The following SNTG1 variants were observed in gnomAD, a reference collection of about 807,000 sequenced individuals.
SNTG1 encodes the protein gamma-1-syntrophin.
In SNTG1, 39 loss-of-function variants were observed where a neutral mutation model predicts 74.7. The observed-to-expected ratio is 0.52, with a 90% confidence interval of 0.40 to 0.68. SNTG1 has a LOEUF of 0.68. Among genes scored for constraint, SNTG1 ranks in the 30% least tolerant of loss-of-function variants. SNTG1 has a pLI of 0.00. For missense variants in SNTG1, 685 were observed against 609.5 expected (o/e 1.12, Z -1.30); for synonymous variants, 254 against 217.1 (o/e 1.17, Z -1.49).
intron 18 of SNTG1, among the ~76,000 whole-genome samples, chr8:50,764,299 TC>T (rs1307517322): frequency 6.6e-6 from 1 of 151,824 alleles, no homozygotes; most frequent in Non-Finnish European, 1.5e-5. Flanking sequence ...TAAAGCTTCC[TC>T]ACAGCAAAGA....
intron 11 of SNTG1, among the ~76,000 whole-genome samples, chr8:50,551,949 G>A (rs2094429809): frequency 6.6e-6 from 1 of 152,146 alleles, no homozygotes; most frequent in Admixed American, 6.5e-5. Context: ...CCTACCAGTA[G>A]ACCTGAGCCA....
At chr8:50,557,211 G>A (rs1219799097) in intron 12 of SNTG1, among the ~76,000 whole-genome samples, 2 of 148,318 alleles carry the variant, frequency 1.3e-5, no homozygotes, top group African/African-American at 2.5e-5. Context: ...TGGAGAGTAG[G>A]GGAGAAAACC....
rs75190384 is a variant in SNTG1, at chr8:50,383,451, C to T, written c.-27-10761C>T. Among the ~76,000 whole-genome samples, 512 of 152,262 alleles carry T rather than the reference C, an allele frequency of 3.4e-3. 2 individuals carry two copies. The highest frequency in any genetic ancestry group is 0.012 in the African/African-American group (493 of 41,552). ...CATATATTATACATATGTGTATACACACATATATATGTTTGTAAGTGTACA... is the reference window on the plus strand; with the variant it reads ...CATATATTATACATATGTGTATACATACATATATATGTTTGTAAGTGTACA... On this transcript the variant is annotated intron_variant, in intron 2 of 18. Transcript: ENST00000642720.
intron 13 of SNTG1, among the ~76,000 whole-genome samples, chr8:50,618,927 A>ATG (rs1295347226): frequency 3.3e-5 from 5 of 150,752 alleles, no homozygotes; most frequent in East Asian, 2.0e-4. Flanking sequence ...ATATATGTCT[A>ATG]TGTGTGTGTG....
intron 15 of SNTG1, among the ~76,000 whole-genome samples, chr8:50,688,674 A>T (rs961729777): frequency 8.6e-5 from 13 of 152,018 alleles, no homozygotes; most frequent in East Asian, 1.9e-4. Flanking sequence ...GTAGTATAGT[A>T]TGAAGTCAGG....
intron 1 of SNTG1, among the ~76,000 whole-genome samples, chr8:50,031,405 C>T (rs1356782520): frequency 2.6e-5 from 4 of 151,940 alleles, no homozygotes; most frequent in African/African-American, 7.2e-5. Flanking sequence ...AGTGGATATC[C>T]TTGCCTTGGT....
intron 2 of SNTG1, among the ~76,000 whole-genome samples, chr8:50,268,569 A>T (rs1472688042): frequency 6.6e-6 from 1 of 152,178 alleles, no homozygotes; most frequent in Admixed American, 6.6e-5. Context: ...ACAGCATGGC[A>T]CTGGAGGAGG....
chr8:50,018,215 C>T (rs1048356167), intron 1 of SNTG1, among the ~76,000 whole-genome samples: 2 of 151,862 alleles, frequency 1.3e-5, no homozygotes, highest in Non-Finnish European at 2.9e-5. Flanking sequence ...TAAAAACAAG[C>T]TTGAGGAAGA....
chr8:50,395,515 T>TTTA, intron 3 of SNTG1, among the ~76,000 whole-genome samples: 1 of 149,710 alleles, frequency 6.7e-6, no homozygotes, highest in Non-Finnish European at 1.5e-5. Flanking sequence ...TGTTTTTTTT[T>TTTA]TTTTTTTTAA....
chr8:50,267,557 A>T (rs1477829766), intron 2 of SNTG1, among the ~76,000 whole-genome samples: 1 of 152,198 alleles, frequency 6.6e-6, no homozygotes, highest in African/African-American at 2.4e-5. Flanking sequence ...TCTATTACAG[A>T]TGAGAAGGTA....
At chr8:50,558,429 C>T (rs912679770) in intron 12 of SNTG1, among the ~76,000 whole-genome samples, 1 of 152,128 alleles carries the variant, frequency 6.6e-6, no homozygotes, top group Non-Finnish European at 1.5e-5. Flanking sequence ...CAAGTCCATG[C>T]TGGGAGATAA....
At chr8:50,263,849 C>T (rs1259267466) in intron 2 of SNTG1, among the ~76,000 whole-genome samples, 1 of 152,164 alleles carries the variant, frequency 6.6e-6, no homozygotes, top group Non-Finnish European at 1.5e-5. Context: ...CCCCAACAGA[C>T]ATGTGTAGAA....
chr8:50,437,499 T>C (rs1451021844), intron 4 of SNTG1, among the ~76,000 whole-genome samples: 2 of 152,152 alleles, frequency 1.3e-5, no homozygotes, highest in Middle Eastern at 3.2e-3. Flanking sequence ...TTTAAAATAA[T>C]ATTATCTGTT....
intron 2 of SNTG1, among the ~76,000 whole-genome samples, chr8:50,190,317 A>C (rs2083523541): frequency 6.6e-6 from 1 of 152,114 alleles, no homozygotes; most frequent in Non-Finnish European, 1.5e-5. Flanking sequence ...ACCTCCCTGG[A>C]TTGAGGAGAA....
chr8:50,025,364 C>G (rs752241750), intron 1 of SNTG1, among the ~76,000 whole-genome samples: 30 of 152,104 alleles, frequency 2.0e-4, no homozygotes, highest in Non-Finnish European at 4.1e-4. Flanking sequence ...TTTTAACATG[C>G]ATTCAATTGT....
chr8:50,215,723 A>T (rs913028266), intron 2 of SNTG1, among the ~76,000 whole-genome samples: 1 of 152,018 alleles, frequency 6.6e-6, no homozygotes, highest in Non-Finnish European at 1.5e-5. Flanking sequence ...ATAGGCAGAG[A>T]CATATCTTCT....
chr8:50,131,577 T>G (rs568983955), intron 1 of SNTG1, among the ~76,000 whole-genome samples: 39 of 152,226 alleles, frequency 2.6e-4, no homozygotes, highest in African/African-American at 8.4e-4. Flanking sequence ...CTTTGTCTAT[T>G]TATTTGTTGT....
intron 1 of SNTG1, among the ~76,000 whole-genome samples, chr8:49,953,546 G>C (rs186238976): frequency 2.6e-5 from 4 of 152,296 alleles, no homozygotes; most frequent in East Asian, 1.9e-4. Flanking sequence ...CTGGCACAGA[G>C]AGTAAAATAT....
intron 1 of SNTG1, among the ~76,000 whole-genome samples, chr8:49,935,939 T>A (rs1808045191): frequency 6.6e-6 from 1 of 152,236 alleles, no homozygotes. Context: ...TCTGCGATCT[T>A]CCCTCTGACA....
Sources: allele counts gnomAD v4.1 joint callset (sites outside exome capture counted in the v4.1 genomes callset), GRCh38; gene constraint gnomAD v4.1.1; transcripts MANE v1.5; gene names NCBI Gene and HGNC (gene_info 2026-07-23, HGNC 2026-07-21).